BORCS5: variants seen among roughly 807,000 people sequenced by gnomAD.
The protein encoded by BORCS5 is BLOC-1-related complex subunit 5.
In BORCS5, 17 loss-of-function variants were observed where a neutral mutation model predicts 22.1. That is an observed-to-expected ratio of 0.77 (90% CI 0.53 to 1.15). The LOEUF is 1.15. Among genes scored for constraint, BORCS5 ranks in the 50% most tolerant of loss-of-function variants. BORCS5 has a pLI of 0.00. For missense variants in BORCS5, 247 were observed against 253.2 expected, an observed-to-expected ratio of 0.98 and a Z score of 0.17; for synonymous variants, 117 against 99.8, an observed-to-expected ratio of 1.17 and a Z score of -1.03.
chr12:12,360,567 ATTTTTTTTT>A (rs35965943), intron 1 of BORCS5, among the ~76,000 whole-genome samples: 2 of 89,230 alleles, frequency 2.2e-5, no homozygotes, highest in African/African-American at 8.7e-5. Context: ...ATTAAAAGAA[ATTTTTTTTT>A]TTTTTTTTTT....
At chr12:12,407,255 C>T (rs1592094378) in intron 2 of BORCS5, among the ~76,000 whole-genome samples, 1 of 152,290 alleles carries the variant, frequency 6.6e-6, no homozygotes, top group East Asian at 1.9e-4. Context: ...CCTTCCCTTA[C>T]AAACATAAAA....
intron 3 of BORCS5, among the ~76,000 whole-genome samples, chr12:12,449,183 A>C (rs576599520): frequency 6.6e-6 from 1 of 152,190 alleles, no homozygotes; most frequent in South Asian, 2.1e-4. Context: ...CCCCACTGCC[A>C]CTCTGGAGGG....
chr12:12,444,127 C>G (rs1241547008), intron 3 of BORCS5, among the ~76,000 whole-genome samples: 1 of 152,202 alleles, frequency 6.6e-6, no homozygotes, highest in African/African-American at 2.4e-5. Flanking sequence ...TGAATAAATA[C>G]TTGTTTAATG....
Position 12,465,630 on chromosome 12 carries a change from G to A in BORCS5, c.445G>A (p.Val149Met). The change falls in exon 4 of 4, where the codon GTG becomes ATG. Residue 149 changes from valine (V) to methionine (M), a missense_variant. Physicochemically the swap from Val to Met is conservative, Grantham distance 21. Transcript: ENST00000314565. ...YAKYAEQIQKVNEMSAILRRI... is the reference protein window; with the variant it reads ...YAKYAEQIQKMNEMSAILRRI... ...CAAGTATGCCGAGCAGATCCAGAAAGTGAACGAGATGTCCGCCATCCTCCG... is the reference window on the plus strand; with the variant it reads ...CAAGTATGCCGAGCAGATCCAGAAAATGAACGAGATGTCCGCCATCCTCCG... The A allele has an allele frequency of 6.2e-7, 1 of 1,614,260 alleles. No homozygotes were observed. Among genetic ancestry groups the A allele is most frequent in the Non-Finnish European group, 8.5e-7 (1 of 1,180,042 alleles).
chr12:12,366,657 C>T (rs1863412516), intron 2 of BORCS5, among the ~76,000 whole-genome samples: 1 of 151,996 alleles, frequency 6.6e-6, no homozygotes, highest in Non-Finnish European at 1.5e-5. Flanking sequence ...GTTAACAAAC[C>T]CTGTATAGAT....
intron 2 of BORCS5, among the ~76,000 whole-genome samples, chr12:12,410,833 A>C (rs1260011149): frequency 2.0e-5 from 3 of 152,282 alleles, no homozygotes; most frequent in South Asian, 2.1e-4. Flanking sequence ...GGCCATTTTC[A>C]TGATACTGAT....
At chr12:12,462,456 A>G (rs1434845314) in intron 3 of BORCS5, among the ~76,000 whole-genome samples, 2 of 152,202 alleles carry the variant, frequency 1.3e-5, no homozygotes, top group African/African-American at 4.8e-5. Flanking sequence ...AATCACATAG[A>G]TACTGGGTCG....
At chr12:12,358,309 T>C (rs186300081) in intron 1 of BORCS5, among the ~76,000 whole-genome samples, 1 of 152,352 alleles carries the variant, frequency 6.6e-6, no homozygotes, top group Admixed American at 6.5e-5. Flanking sequence ...AGAAGTTCTC[T>C]GTTCTTGATA....
chr12:12,413,470 A>C (rs1353538669), intron 2 of BORCS5, among the ~76,000 whole-genome samples: 2 of 149,960 alleles, frequency 1.3e-5, no homozygotes, highest in Non-Finnish European at 3.0e-5. Flanking sequence ...AAAGTCTCCC[A>C]TGTCTACCTC....
chr12:12,363,802 G>A (rs1349357992), intron 2 of BORCS5, among the ~76,000 whole-genome samples: 1 of 152,036 alleles, frequency 6.6e-6, no homozygotes, highest in African/African-American at 2.4e-5. Flanking sequence ...GGAGGCTGAG[G>A]CAGGAGAATT....
chr12:12,432,796 TATTTC>T (rs1404975037), intron 2 of BORCS5, among the ~76,000 whole-genome samples: 3 of 152,252 alleles, frequency 2.0e-5, no homozygotes, highest in Admixed American at 1.3e-4. Flanking sequence ...CATCATGTAT[TATTTC>T]ATTTATATAA....
chr12:12,395,515 G>A (rs146391667), intron 2 of BORCS5, among the ~76,000 whole-genome samples: 135 of 141,650 alleles, frequency 9.5e-4, no homozygotes, highest in African/African-American at 3.3e-3. Context: ...TCGAACTCCC[G>A]ACCTCAAGTG....
chr12:12,398,432 T>C (rs1941398917), intron 2 of BORCS5, among the ~76,000 whole-genome samples: 1 of 152,178 alleles, frequency 6.6e-6, no homozygotes, highest in African/African-American at 2.4e-5. Flanking sequence ...ATCAAAGCCA[T>C]GTTTGTTTTG....
chr12:12,384,898 T>C (rs1863849135), intron 2 of BORCS5, among the ~76,000 whole-genome samples: 1 of 150,620 alleles, frequency 6.6e-6, no homozygotes, highest in South Asian at 2.1e-4. Context: ...TCAGGTCCTC[T>C]CCATGTGTCT....
At chr12:12,422,351 C>T (rs767934060) in intron 2 of BORCS5, among the ~76,000 whole-genome samples, 2 of 151,584 alleles carry the variant, frequency 1.3e-5, no homozygotes, top group African/African-American at 4.9e-5. Context: ...CGGTGGCTCA[C>T]GCATGTAACT....
intron 2 of BORCS5, among the ~76,000 whole-genome samples, chr12:12,395,664 G>T (rs928126477): frequency 6.6e-6 from 1 of 151,968 alleles, no homozygotes; most frequent in African/African-American, 2.4e-5. Context: ...GATGCCATAA[G>T]AACGTGATTG....
chr12:12,395,145 A>G (rs1941302535), intron 2 of BORCS5, among the ~76,000 whole-genome samples: 1 of 151,988 alleles, frequency 6.6e-6, no homozygotes, highest in Non-Finnish European at 1.5e-5. Context: ...TGGGCTGGCA[A>G]GAGAGTCTGA....
rs746980108 is a variant in BORCS5, at chr12:12,361,337, C to T, written c.190C>T (p.Pro64Ser). The T allele has an allele frequency of 6.2e-7, 1 of 1,614,056 alleles. No homozygotes were observed. The highest frequency in any genetic ancestry group is 8.5e-7 in the Non-Finnish European group (1 of 1,179,932). ...GTTGCAAGAGATTCCAACCTTCCAG[C>T]CCCTTTTGAAAGGTAAAGGATTGCG... ...IKLQEIPTFQ[P>S]LLKGLLSGQT... is the part of the protein sequence containing the mutation. Residue 64 changes from proline to serine, a missense_variant, in exon 2 of 4, where the codon CCC becomes TCC. By Grantham distance (74) the Pro-to-Ser change is moderately conservative. Transcript: ENST00000314565.
Position 12,470,500 on chromosome 12 carries a change from C to T in BORCS5, c.*4724C>T, listed in dbSNP as rs1943277388. On this transcript the variant is annotated 3_prime_UTR_variant, in exon 4 of 4. Transcript: ENST00000314565. ...ATTGTGAACTGCGCACGTGAAGGAT[C>T]TAGGTTTTGCGCTCCTTATGAGAAT... 6.6e-6 allele frequency among the ~76,000 whole-genome samples: 1 copy of T among 152,110 alleles called. No individual in the cohort carries two copies. Among genetic ancestry groups the T allele is most frequent in the Non-Finnish European group, 1.5e-5 (1 of 68,028 alleles).
Sources: gnomAD v4.1 joint callset for allele counts (sites outside exome capture counted in the v4.1 genomes callset) on GRCh38, gnomAD v4.1.1 for gene constraint, MANE v1.5 for transcripts, NCBI Gene and HGNC (gene_info 2026-07-23, HGNC 2026-07-21) for gene names.